Variants in KCNH8 observed in about 807,000 individuals in gnomAD.
The protein encoded by KCNH8 is potassium voltage-gated channel subfamily H member 8, also known as voltage-gated delayed rectifier potassium channel KCNH8.
A neutral mutation model predicts 103.6 loss-of-function variants in KCNH8; 70 were observed. The observed-to-expected ratio is 0.68, with a 90% CI of 0.56 to 0.82. The LOEUF is 0.82. Among genes scored for constraint, KCNH8 ranks in the 40% least tolerant of loss-of-function variants. The pLI, the probability that KCNH8 is intolerant of heterozygous loss-of-function variation, is 0.00. For synonymous variants in KCNH8, 498 were observed against 489.4 expected (o/e 1.02, Z -0.23); for missense variants, 1,217 against 1,329.9 (o/e 0.92, Z 1.32).
chr3:19,513,875 G>A (rs2068829173), intron 13 of KCNH8, among the ~76,000 whole-genome samples: 1 of 152,046 alleles, frequency 6.6e-6, no homozygotes, highest in Admixed American at 6.6e-5. Flanking sequence ...TCCACTAAAG[G>A]TGATTGAAAG....
At chr3:19,250,582 C>T (rs1012570030) in intron 1 of KCNH8, among the ~76,000 whole-genome samples, 7 of 152,206 alleles carry the variant, frequency 4.6e-5, no homozygotes, top group East Asian at 1.9e-4. Flanking sequence ...TTCTTGTTTC[C>T]GTATTCATTT....
chr3:19,191,154 G>A (rs1346068376), intron 1 of KCNH8, among the ~76,000 whole-genome samples: 1 of 151,722 alleles, frequency 6.6e-6, no homozygotes, highest in African/African-American at 2.4e-5. Flanking sequence ...AAGTTTATAC[G>A]TTCTAGTATA....
intron 4 of KCNH8, chr3:19,346,557 C>T (rs572398912): frequency 2.7e-4 from 123 of 449,336 alleles, no homozygotes; most frequent in African/African-American, 2.2e-3. Flanking sequence ...GACAGGGGTG[C>T]GTTAATATTA....
intron 13 of KCNH8, 142 bp downstream of exon 13, chr3:19,513,467 A>G (rs113132967): frequency 4.2e-6 from 5 of 1,189,664 alleles, no homozygotes; most frequent in African/African-American, 1.5e-5. Context: ...TTTGTGGGCA[A>G]TTTTTTGAGT....
rs879918409 is a variant in KCNH8, at chr3:19,317,015, C to A, written c.443-25572C>A. Among the ~76,000 whole-genome samples, 11 of 151,944 alleles carry A rather than the reference C, an allele frequency of 7.2e-5. No homozygotes were observed. The East Asian group carries it at 2.1e-3, about 30-fold the overall frequency. On this transcript the variant is annotated intron_variant, in intron 3 of 15. Transcript: ENST00000328405. ...TTTTTTCCTCCTGTAGTCCTGTATT[C>A]ATTCCTGACTACTTCTTGGTGGCTT...
rs147227289 is a variant in KCNH8, at chr3:19,396,320, T to A, written c.1177+1009T>A. 4.1e-3 allele frequency among the ~76,000 whole-genome samples: 618 copies of A among 152,094 alleles called. 5 individuals are homozygous for A. Among genetic ancestry groups the A allele is most frequent in the Middle Eastern group, 0.017 (5 of 294 alleles). On this transcript the variant is annotated intron_variant, in intron 7 of 15. Coordinates refer to ENST00000328405, the MANE Select transcript of KCNH8 (RefSeq NM_144633.3). ...TGGAACATCCCTGTGTTGGCCCTCA[T>A]AAATGGCAATCTCTCAGCATAGGAC...
chr3:19,155,007 C>A (rs377532755), intron 1 of KCNH8, among the ~76,000 whole-genome samples: 4 of 152,318 alleles, frequency 2.6e-5, no homozygotes, highest in African/African-American at 9.6e-5. Context: ...AATTGAAGAG[C>A]TTTCTCAGTA....
At chr3:19,394,890 T>C (rs977486225) in intron 6 of KCNH8, among the ~76,000 whole-genome samples, 5 of 152,050 alleles carry the variant, frequency 3.3e-5, no homozygotes, top group African/African-American at 1.2e-4. Context: ...TTTACTCAAA[T>C]AAATTAAATT....
At chr3:19,235,756 A>G (rs2064057023) in intron 1 of KCNH8, among the ~76,000 whole-genome samples, 1 of 152,214 alleles carries the variant, frequency 6.6e-6, no homozygotes, top group Non-Finnish European at 1.5e-5. Context: ...AGGCACTTCA[A>G]ATTCACAGAG....
At chr3:19,410,688 A>G (rs901534816) in intron 7 of KCNH8, among the ~76,000 whole-genome samples, 56 of 152,138 alleles carry the variant, frequency 3.7e-4, no homozygotes, top group African/African-American at 1.3e-3. Flanking sequence ...TAAGTACAAT[A>G]AGAAACAGCA....
intron 3 of KCNH8, among the ~76,000 whole-genome samples, chr3:19,311,051 T>G (rs2065201438): frequency 6.6e-6 from 1 of 151,760 alleles, no homozygotes; most frequent in African/African-American, 2.4e-5. Context: ...TCCTTTCCCG[T>G]CTGCTTATCA....
chr3:19,233,477 ATTC>A (rs2064021026), intron 1 of KCNH8, among the ~76,000 whole-genome samples: 1 of 152,134 alleles, frequency 6.6e-6, no homozygotes, highest in Non-Finnish European at 1.5e-5. Flanking sequence ...GAAGTTAAAT[ATTC>A]TTTCATGAAT....
At chr3:19,158,797 A>C (rs2063205758) in intron 1 of KCNH8, among the ~76,000 whole-genome samples, 1 of 151,784 alleles carries the variant, frequency 6.6e-6, no homozygotes, top group African/African-American at 2.4e-5. Flanking sequence ...CTTTGTAATA[A>C]TTCTGGTGTT....
intron 2 of KCNH8, among the ~76,000 whole-genome samples, chr3:19,280,710 C>T (rs1207228138): frequency 6.6e-6 from 1 of 152,050 alleles, no homozygotes; most frequent in East Asian, 1.9e-4. Context: ...GTTTAAGTGG[C>T]TGTGCACGCT....
At chr3:19,449,654 TTTCA>T (rs1200035876) in intron 8 of KCNH8, among the ~76,000 whole-genome samples, 5 of 152,112 alleles carry the variant, frequency 3.3e-5, no homozygotes, top group African/African-American at 1.2e-4. Context: ...CAAAAATTTA[TTTCA>T]TTCATTACTA....
intron 3 of KCNH8, among the ~76,000 whole-genome samples, chr3:19,302,485 A>G (rs988079247): frequency 6.6e-6 from 1 of 152,196 alleles, no homozygotes; most frequent in Non-Finnish European, 1.5e-5. Context: ...TCATGTTGAA[A>G]TTAAAGACCA....
At chr3:19,490,747 A>C (rs2068303261) in intron 11 of KCNH8, among the ~76,000 whole-genome samples, 1 of 152,162 alleles carries the variant, frequency 6.6e-6, no homozygotes, top group African/African-American at 2.4e-5. Context: ...AGTGTTTCTA[A>C]ACACTGTTTC....
intron 1 of KCNH8, among the ~76,000 whole-genome samples, chr3:19,171,046 G>T (rs952073185): frequency 6.6e-6 from 1 of 151,638 alleles, no homozygotes; most frequent in South Asian, 2.1e-4. Flanking sequence ...TGATCCACCC[G>T]CCTTCGGCCT....
rs199763064 is a variant in KCNH8 at position 19,533,964 on chromosome 3, C to T, written c.3189C>T (p.Phe1063=). Residue 1063 remains phenylalanine (F), a synonymous_variant, in exon 16 of 16, where the codon TTC becomes TTT. Transcript: ENST00000328405. ...TCAGTCAGGGAACTGTGAGTTCCTT[C>T]AGTCTGGAAAACTTACCAGGATCTT... The part of the protein sequence containing the change: ...GSFSQGTVSS[F]SLENLPGSWN... 77 of 1,614,104 alleles carry T rather than the reference C, an allele frequency of 4.8e-5. No individual in the cohort carries two copies. The East Asian group carries it at 1.6e-3, about 34-fold the overall frequency.
Sources: gnomAD v4.1 joint callset for allele counts (sites outside exome capture counted in the v4.1 genomes callset) on GRCh38, gnomAD v4.1.1 for gene constraint, MANE v1.5 for transcripts, NCBI Gene and HGNC (gene_info 2026-07-23, HGNC 2026-07-21) for gene names.